The following WDFY1 variants were observed in gnomAD, a reference collection of about 807,000 sequenced individuals.
The protein encoded by WDFY1 is WD repeat and FYVE domain-containing protein 1.
A neutral mutation model predicts 56.4 loss-of-function variants in WDFY1; 32 were observed. That is an observed-to-expected ratio of 0.57 (90% CI 0.43 to 0.76). The LOEUF (loss-of-function observed/expected upper bound fraction) is 0.76, where lower values mean the gene tolerates loss of function less well. Among genes scored for constraint, WDFY1 ranks in the 30% least tolerant of loss-of-function variants. The probability of loss-of-function intolerance (pLI) is 0.00; values close to 1 mark genes in which losing one functional copy is unlikely to be tolerated. For synonymous variants in WDFY1, 192 were observed against 197.3 expected, an observed-to-expected ratio of 0.97 and a Z score of 0.23; for missense variants, 480 against 545.7, an observed-to-expected ratio of 0.88 and a Z score of 1.20.
intron 1 of WDFY1, among the ~76,000 whole-genome samples, chr2:223,926,854 G>A (rs11897908): frequency 0.84 from 127,342 of 151,482 alleles, 54,246 homozygotes; most frequent in Non-Finnish European, 0.93. Flanking sequence ...TTTTAGTAGA[G>A]CCGGGATTTT....
At chr2:223,882,806 C>A (rs1450050608) in intron 9 of WDFY1, among the ~76,000 whole-genome samples, 3 of 152,000 alleles carry the variant, frequency 2.0e-5, no homozygotes, top group Non-Finnish European at 2.9e-5. Flanking sequence ...CAGCTCACTG[C>A]GGCCTTGACC....
chr2:223,919,836 G>A (rs945667070), intron 1 of WDFY1, among the ~76,000 whole-genome samples: 1 of 152,208 alleles, frequency 6.6e-6, no homozygotes, highest in Non-Finnish European at 1.5e-5. Context: ...TGCATAGGCA[G>A]CGTGTCCTGG....
At chr2:223,898,418 G>T (rs550320300) in intron 6 of WDFY1, among the ~76,000 whole-genome samples, 1 of 151,754 alleles carries the variant, frequency 6.6e-6, no homozygotes, top group East Asian at 1.9e-4. Context: ...CTATTTTTTT[G>T]AGACAGAGTC....
At chr2:223,936,058 C>CT (rs375847263) in intron 1 of WDFY1, among the ~76,000 whole-genome samples, 3,082 of 105,572 alleles carry the variant, frequency 0.029, 90 homozygotes, top group African/African-American at 0.09. Flanking sequence ...TCCCAAAGTC[C>CT]TTTTTTTTTT....
rs1693424830 is a variant in WDFY1, at chr2:223,897,852, AC to A, written c.598+1105del. Among the ~76,000 whole-genome samples, 3 of 150,724 alleles carry A rather than the reference AC, an allele frequency of 2.0e-5. No individual in the cohort carries two copies. The South Asian group carries it at 6.3e-4, about 32-fold the overall frequency. On this transcript the variant is annotated intron_variant, in intron 6 of 11. Coordinates refer to ENST00000233055, the MANE Select transcript of WDFY1 (RefSeq NM_020830.5). ...GTTTAAAAGTGTGTGGCACCCCCAC[AC>A]CCCCACTCCTGCTTTTGTCATGTGA...
intron 3 of WDFY1, among the ~76,000 whole-genome samples, chr2:223,908,091 C>T (rs750835620): frequency 9.2e-5 from 14 of 152,070 alleles, no homozygotes; most frequent in Non-Finnish European, 1.8e-4. Context: ...AACTCCTGGG[C>T]TCAATCCTCC....
chr2:223,903,390 G>A (rs965647199), intron 4 of WDFY1, among the ~76,000 whole-genome samples: 3 of 151,992 alleles, frequency 2.0e-5, no homozygotes, highest in Admixed American at 6.6e-5. Context: ...GGCCGTGGTG[G>A]CTCGCACCTG....
At chr2:223,927,840 T>C (rs1426193510) in intron 1 of WDFY1, among the ~76,000 whole-genome samples, 1 of 152,158 alleles carries the variant, frequency 6.6e-6, no homozygotes, top group African/African-American at 2.4e-5. Context: ...TCCTTTCACT[T>C]GAACACTCAG....
At chr2:223,887,484 T>C (rs1693191309) in intron 8 of WDFY1, among the ~76,000 whole-genome samples, 1 of 152,226 alleles carries the variant, frequency 6.6e-6, no homozygotes, top group Non-Finnish European at 1.5e-5. Context: ...ATACTTTCCA[T>C]ACTTAGCAGC....
chr2:223,882,973 C>T (rs1467720460), intron 9 of WDFY1, among the ~76,000 whole-genome samples: 2 of 152,190 alleles, frequency 1.3e-5, no homozygotes, highest in Non-Finnish European at 2.9e-5. Context: ...AAGTGATCCT[C>T]CTGCCTCGGC....
chr2:223,897,390 A>ATATTTTTTT (rs1461451983), intron 6 of WDFY1, among the ~76,000 whole-genome samples: 5 of 125,990 alleles, frequency 4.0e-5, no homozygotes, highest in African/African-American at 1.2e-4. Context: ...ATATATATAT[A>ATATTTTTTT]TTTTTTAAGA....
chr2:223,938,282 C>A (rs756356419), intron 1 of WDFY1, among the ~76,000 whole-genome samples: 4 of 152,144 alleles, frequency 2.6e-5, no homozygotes, highest in African/African-American at 4.8e-5. Context: ...AGGCCTATAG[C>A]CTTAACTTAT....
chr2:223,903,264 G>GT (rs1410125707), intron 4 of WDFY1, among the ~76,000 whole-genome samples: 1 of 152,166 alleles, frequency 6.6e-6, no homozygotes, highest in Non-Finnish European at 1.5e-5. Context: ...GCTCATGCCT[G>GT]TAATCCCAGC....
At chr2:223,943,067 G>A (rs538722510) in intron 1 of WDFY1, among the ~76,000 whole-genome samples, 1 of 151,472 alleles carries the variant, frequency 6.6e-6, no homozygotes, top group Admixed American at 6.6e-5. Context: ...TATAGTCCCA[G>A]CTACTCAGGA....
chr2:223,925,430 T>TA (rs540376748), intron 1 of WDFY1, among the ~76,000 whole-genome samples: 13 of 151,958 alleles, frequency 8.6e-5, no homozygotes, highest in Non-Finnish European at 1.3e-4. Flanking sequence ...ACTTTATTGC[T>TA]AAAAAAAAGT....
rs1553536123 is a variant in WDFY1, at chr2:223,897,390, A to ATTTTTTTTTT, written c.598+1567_598+1568insAAAAAAAAAA. Reference sequence around the variant, plus strand: ...TATATATATATATATATATATATATATTTTTTAAGACGGAGTCTCTCTCTG... The same window carrying ATTTTTTTTTT: ...TATATATATATATATATATATATATATTTTTTTTTTTTTTTTAAGACGGAGTCTCTCTCTG... On this transcript the variant is annotated intron_variant, in intron 6 of 11. Transcript: ENST00000233055. Among the ~76,000 whole-genome samples the ATTTTTTTTTT allele has an allele frequency of 1.3e-3, 161 of 125,982 alleles. 6 individuals carry two copies. The highest frequency in any genetic ancestry group is 2.1e-3 in the East Asian group (9 of 4,362). 82.6% of individuals were successfully genotyped at this position (125,982 alleles called of 152,430 possible).
At chr2:223,917,015 T>C (rs1045373972) in intron 2 of WDFY1, among the ~76,000 whole-genome samples, 7 of 152,146 alleles carry the variant, frequency 4.6e-5, no homozygotes, top group African/African-American at 1.4e-4. Context: ...GGTTTCATCA[T>C]GTTGGCCAGG....
intron 6 of WDFY1, 117 bp downstream of exon 6, chr2:223,898,841 C>G (rs1365119596): frequency 1.3e-6 from 1 of 772,456 alleles, no homozygotes; most frequent in Non-Finnish European, 2.2e-6. Context: ...TCTGGCCAAT[C>G]AAAATGAAAT....
At chr2:223,909,296 A>C (rs944815626) in intron 3 of WDFY1, among the ~76,000 whole-genome samples, 2 of 152,048 alleles carry the variant, frequency 1.3e-5, no homozygotes, top group Non-Finnish European at 1.5e-5. Flanking sequence ...CAGCTTACAT[A>C]ACGTGGTCTG....
Sources: gnomAD v4.1 joint callset for allele counts (sites outside exome capture counted in the v4.1 genomes callset) on GRCh38, gnomAD v4.1.1 for gene constraint, MANE v1.5 for transcripts, NCBI Gene and HGNC (gene_info 2026-07-23, HGNC 2026-07-21) for gene names.